GRM7: variants seen among roughly 807,000 people sequenced by gnomAD.
The protein encoded by GRM7 is metabotropic glutamate receptor 7.
A neutral mutation model predicts 84.5 loss-of-function variants in GRM7; 35 were observed. The ratio of observed to expected loss-of-function variants is 0.41; its 90% CI spans 0.32 to 0.55. The LOEUF (loss-of-function observed/expected upper bound fraction) is 0.55, where lower values mean the gene tolerates loss of function less well. Among genes scored for constraint, GRM7 ranks in the 20% least tolerant of loss-of-function variants. The pLI is 0.19. For synonymous variants in GRM7, 487 were observed against 455.1 expected, an observed-to-expected ratio of 1.07 and a Z score of -0.89; for missense variants, 1,003 against 1,194.6, an observed-to-expected ratio of 0.84 and a Z score of 2.36.
chr3:7,276,249 G>GTGTATA (rs1336783487), intron 2 of GRM7, among the ~76,000 whole-genome samples: 8 of 143,592 alleles, frequency 5.6e-5, no homozygotes, highest in Admixed American at 1.4e-4. Flanking sequence ...GTGTGTGTGT[G>GTGTATA]TATATATAAT....
chr3:7,562,496 C>T (rs1694073397), intron 7 of GRM7, among the ~76,000 whole-genome samples: 1 of 151,950 alleles, frequency 6.6e-6, no homozygotes. Flanking sequence ...ATGATCTAGC[C>T]AGAATTGAGA....
intron 2 of GRM7, among the ~76,000 whole-genome samples, chr3:7,244,794 G>A (rs1312833903): frequency 6.6e-6 from 1 of 151,990 alleles, no homozygotes; most frequent in Non-Finnish European, 1.5e-5. Context: ...CATAAGAAGT[G>A]AGAAACATTC....
At chr3:7,364,534 A>T (rs1423731269) in intron 4 of GRM7, among the ~76,000 whole-genome samples, 2 of 151,672 alleles carry the variant, frequency 1.3e-5, no homozygotes. Context: ...CTATATTTTA[A>T]TATTTTCATT....
chr3:7,485,878 A>G (rs1699301050), intron 7 of GRM7, among the ~76,000 whole-genome samples: 1 of 152,234 alleles, frequency 6.6e-6, no homozygotes, highest in African/African-American at 2.4e-5. Context: ...TGTAAGAGTC[A>G]AGCTGAAAAG....
chr3:7,548,578 C>G (rs980837380), intron 7 of GRM7, among the ~76,000 whole-genome samples: 4 of 152,230 alleles, frequency 2.6e-5, no homozygotes, highest in African/African-American at 7.2e-5. Flanking sequence ...AATGCCTCTT[C>G]TAGAAATAGG....
At chr3:7,650,563 G>A (rs929508810) in intron 8 of GRM7, among the ~76,000 whole-genome samples, 4 of 152,316 alleles carry the variant, frequency 2.6e-5, no homozygotes, top group Admixed American at 1.3e-4. Context: ...TCTGTTAGCT[G>A]TTGAGGCTCT....
At chr3:7,144,744 G>T (rs1447082199) in intron 1 of GRM7, among the ~76,000 whole-genome samples, 1 of 152,150 alleles carries the variant, frequency 6.6e-6, no homozygotes, top group Non-Finnish European at 1.5e-5. Flanking sequence ...AAACAGAAAT[G>T]CCAGACTCTG....
intron 3 of GRM7, among the ~76,000 whole-genome samples, chr3:7,304,554 C>G (rs569949510): frequency 1.4e-4 from 21 of 151,740 alleles, no homozygotes; most frequent in African/African-American, 5.1e-4. Context: ...TCTATTTTCT[C>G]TGTACGTTCT....
At chr3:7,011,108 C>T (rs1176837435) in intron 1 of GRM7, among the ~76,000 whole-genome samples, 1 of 152,116 alleles carries the variant, frequency 6.6e-6, no homozygotes, top group Non-Finnish European at 1.5e-5. Flanking sequence ...CTCTCACAGC[C>T]TTGGATCTCT....
chr3:7,461,798 G>C (rs887797366), intron 7 of GRM7, 76 bp downstream of exon 7: 19 of 1,395,460 alleles, frequency 1.4e-5, no homozygotes, highest in Non-Finnish European at 1.8e-5. Context: ...TTATACAAAT[G>C]TTTCTTGTTT....
At chr3:7,562,073 C>A (rs1289820318) in intron 7 of GRM7, among the ~76,000 whole-genome samples, 1 of 152,100 alleles carries the variant, frequency 6.6e-6, no homozygotes, top group African/African-American at 2.4e-5. Context: ...ACTGATTCTC[C>A]AATTCATCAT....
intron 8 of GRM7, among the ~76,000 whole-genome samples, chr3:7,666,256 CAG>C (rs1699695590): frequency 1.3e-5 from 2 of 152,242 alleles, no homozygotes; most frequent in East Asian, 1.9e-4. Context: ...AACAAACAAA[CAG>C]AAAATATTCT....
chr3:7,635,904 G>A (rs3864068), intron 8 of GRM7, among the ~76,000 whole-genome samples: 68,694 of 151,780 alleles, frequency 0.45, 15,798 homozygotes, highest in East Asian at 0.63. Context: ...TCAGACTCCC[G>A]GCCTCAAGCG....
intron 9 of GRM7, among the ~76,000 whole-genome samples, chr3:7,720,756 T>G (rs1277755635): frequency 6.6e-6 from 1 of 152,250 alleles, no homozygotes; most frequent in Non-Finnish European, 1.5e-5. Flanking sequence ...TTTTGGTACT[T>G]ACTATCCAGC....
At chr3:7,342,212 C>T (rs1692672183) in intron 4 of GRM7, among the ~76,000 whole-genome samples, 1 of 152,104 alleles carries the variant, frequency 6.6e-6, no homozygotes, top group Non-Finnish European at 1.5e-5. Flanking sequence ...TTTCTGACTC[C>T]ATTGCATTTT....
intron 4 of GRM7, among the ~76,000 whole-genome samples, chr3:7,409,541 T>C (rs1467617087): frequency 1.3e-5 from 2 of 152,124 alleles, no homozygotes. Context: ...GTAAATTTTA[T>C]ATCCTGCTGC....
chr3:7,421,744 A>G (rs1449133516), intron 5 of GRM7, among the ~76,000 whole-genome samples: 1 of 151,504 alleles, frequency 6.6e-6, no homozygotes, highest in Non-Finnish European at 1.5e-5. Flanking sequence ...GGTTTTGATG[A>G]CTCCAGGTCC....
Position 7,576,858 on chromosome 3 carries a change from A to G in GRM7, c.1516-1564A>G, listed in dbSNP as rs182922314. On this transcript the variant is annotated intron_variant, in intron 7 of 9. Transcript: ENST00000357716. ...CTCTTGGTCGCAAGTATTAACAATA[A>G]ACTTCAAAGTATTTTAACATAGATA... Among the ~76,000 whole-genome samples, 817 of 152,264 alleles carry G rather than the reference A, an allele frequency of 5.4e-3. 9 individuals are homozygous for G. The highest frequency in any genetic ancestry group is 8.3e-3 in the Non-Finnish European group (566 of 68,016).
intron 9 of GRM7, among the ~76,000 whole-genome samples, chr3:7,689,842 A>C (rs1461615465): frequency 6.6e-6 from 1 of 152,156 alleles, no homozygotes; most frequent in Non-Finnish European, 1.5e-5. Flanking sequence ...CCTCTAGGCC[A>C]TCCATGAACT....
Sources: gnomAD v4.1 joint callset for allele counts (sites outside exome capture counted in the v4.1 genomes callset) on GRCh38, gnomAD v4.1.1 for gene constraint, MANE v1.5 for transcripts, NCBI Gene and HGNC (gene_info 2026-07-23, HGNC 2026-07-21) for gene names.